The following ROBO1 variants were observed in gnomAD, a reference collection of about 807,000 sequenced individuals.
ROBO1 encodes roundabout guidance receptor 1.
ROBO1 carries 149 observed loss-of-function variants against 195.9 expected under a neutral mutation model. The observed-to-expected ratio is 0.76, with a 90% CI of 0.67 to 0.87. The LOEUF (loss-of-function observed/expected upper bound fraction) is 0.87. ROBO1 is among the 40% of genes least tolerant of loss of function. The pLI is 0.00. For missense variants in ROBO1, 1,933 were observed against 2,068.3 expected, an observed-to-expected ratio of 0.93 and a Z score of 1.27; for synonymous variants, 816 against 733.2, an observed-to-expected ratio of 1.11 and a Z score of -1.82.
intron 4 of ROBO1, among the ~76,000 whole-genome samples, chr3:78,809,886 T>G (rs1469547191): frequency 6.6e-6 from 1 of 151,602 alleles, no homozygotes; most frequent in African/African-American, 2.4e-5. Context: ...ATACCTAATG[T>G]AGATGACGGG....
chr3:79,514,292 T>A (rs1169803734), intron 2 of ROBO1, among the ~76,000 whole-genome samples: 1 of 152,186 alleles, frequency 6.6e-6, no homozygotes, highest in African/African-American at 2.4e-5. Context: ...CTCTTAGAGA[T>A]CCACGTGGTG....
At chr3:78,873,830 T>G (rs990929872) in intron 4 of ROBO1, among the ~76,000 whole-genome samples, 4 of 152,112 alleles carry the variant, frequency 2.6e-5, no homozygotes, top group African/African-American at 9.7e-5. Context: ...AGTTTACACT[T>G]CAATTGTCTC....
intron 2 of ROBO1, among the ~76,000 whole-genome samples, chr3:79,321,488 G>A (rs1318413103): frequency 6.6e-6 from 1 of 152,070 alleles, no homozygotes. Flanking sequence ...TACTATATAT[G>A]TACACACTCA....
At chr3:79,555,903 T>C (rs572918422) in intron 2 of ROBO1, among the ~76,000 whole-genome samples, 1 of 152,286 alleles carries the variant, frequency 6.6e-6, no homozygotes, top group East Asian at 1.9e-4. Context: ...TCAATTTATC[T>C]CATCAATGGG....
At chr3:79,404,618 C>T (rs894192298) in intron 2 of ROBO1, among the ~76,000 whole-genome samples, 19 of 152,166 alleles carry the variant, frequency 1.2e-4, no homozygotes, top group African/African-American at 4.1e-4. Flanking sequence ...GCACTGAAGG[C>T]CACTCATGTT....
chr3:79,374,810 A>C (rs1411360291), intron 2 of ROBO1, among the ~76,000 whole-genome samples: 2 of 149,298 alleles, frequency 1.3e-5, no homozygotes, highest in African/African-American at 5.0e-5. Context: ...TTGCTTGACT[A>C]AGTTGGAATA....
intron 2 of ROBO1, among the ~76,000 whole-genome samples, chr3:79,402,226 A>C (rs1175284504): frequency 6.6e-6 from 1 of 151,918 alleles, no homozygotes; most frequent in Non-Finnish European, 1.5e-5. Flanking sequence ...TTCAATTTGG[A>C]GATAAGTTCT....
intron 2 of ROBO1, among the ~76,000 whole-genome samples, chr3:79,580,474 T>C (rs1418489469): frequency 6.6e-6 from 1 of 151,980 alleles, no homozygotes; most frequent in African/African-American, 2.4e-5. Flanking sequence ...AGAGCGAGAC[T>C]CTGTGTCAAT....
intron 3 of ROBO1, among the ~76,000 whole-genome samples, chr3:79,121,383 A>G (rs529939085): frequency 9.2e-5 from 14 of 152,216 alleles, no homozygotes; most frequent in African/African-American, 3.4e-4. Context: ...TTGGGATTGG[A>G]TTCAAGTTTA....
chr3:79,236,463 A>G (rs566881597), intron 2 of ROBO1, among the ~76,000 whole-genome samples: 3 of 152,362 alleles, frequency 2.0e-5, no homozygotes, highest in Admixed American at 6.5e-5. Context: ...TATATCATAT[A>G]TACGAAAATT....
At chr3:79,589,478 T>C (rs1943928773) in intron 2 of ROBO1, among the ~76,000 whole-genome samples, 1 of 151,714 alleles carries the variant, frequency 6.6e-6, no homozygotes, top group Admixed American at 6.6e-5. Flanking sequence ...CGACATGCAC[T>C]GTGGCTTAGG....
At chr3:79,391,658 T>A (rs903010591) in intron 2 of ROBO1, among the ~76,000 whole-genome samples, 1 of 152,162 alleles carries the variant, frequency 6.6e-6, no homozygotes, top group African/African-American at 2.4e-5. Context: ...TAGTATTCCC[T>A]CTAATTCAAG....
At chr3:79,084,167 T>C (rs1311805630) in intron 3 of ROBO1, among the ~76,000 whole-genome samples, 1 of 152,206 alleles carries the variant, frequency 6.6e-6, no homozygotes, top group Non-Finnish European at 1.5e-5. Context: ...TGTGTGGCAA[T>C]AGGCAAGTCA....
intron 18 of ROBO1, 108 bp downstream of exon 18, chr3:78,656,990 T>C: frequency 9.7e-7 from 1 of 1,026,606 alleles, no homozygotes. Context: ...CCATATTCCA[T>C]ATTCTATTAA....
At position 78,635,954 on chromosome 3, in the gene ROBO1, G is replaced by C. The variant is rs1414107512; in HGVS notation, c.3192C>G (p.Val1064=). Residue 1064 remains valine (V), a synonymous_variant, in exon 23 of 31, where the codon GTC becomes GTG. Coordinates refer to ENST00000464233, the MANE Select transcript of ROBO1 (RefSeq NM_002941.4). ...AAGGAGTAGGCTGCCCTGATGGATT[G>C]ACAAAACGCCCATCCTTCAGATTTG... ...NSPNLKDGRF[V]NPSGQPTPYA... The C allele has an allele frequency of 1.2e-6, 2 of 1,613,876 alleles. No individual in the cohort carries two copies. Among genetic ancestry groups the C allele is most frequent in the South Asian group, 2.2e-5 (2 of 91,072 alleles).
At chr3:79,494,525 C>A (rs1319451274) in intron 2 of ROBO1, among the ~76,000 whole-genome samples, 1 of 151,932 alleles carries the variant, frequency 6.6e-6, no homozygotes, top group Non-Finnish European at 1.5e-5. Flanking sequence ...AAGTGAACTA[C>A]AGAGTTAAGA....
intron 2 of ROBO1, among the ~76,000 whole-genome samples, chr3:79,518,261 T>A (rs1318376571): frequency 6.6e-6 from 1 of 152,050 alleles, no homozygotes; most frequent in Non-Finnish European, 1.5e-5. Flanking sequence ...TACTCAGATT[T>A]GGGAGAAAAA....
chr3:78,963,652 G>A (rs2041519949), intron 3 of ROBO1, among the ~76,000 whole-genome samples: 1 of 151,486 alleles, frequency 6.6e-6, no homozygotes, highest in African/African-American at 2.4e-5. Context: ...CGGAGTAGCT[G>A]GGACTTCAGG....
At chr3:79,482,993 T>A (rs1938949063) in intron 2 of ROBO1, among the ~76,000 whole-genome samples, 1 of 152,000 alleles carries the variant, frequency 6.6e-6, no homozygotes. Flanking sequence ...AACAACAGGG[T>A]GTGTTGAAAC....
Sources: gnomAD v4.1 joint callset for allele counts (sites outside exome capture counted in the v4.1 genomes callset) on GRCh38, gnomAD v4.1.1 for gene constraint, MANE v1.5 for transcripts, NCBI Gene and HGNC (gene_info 2026-07-23, HGNC 2026-07-21) for gene names.